The following TUSC3 variants were observed in gnomAD, a reference collection of about 807,000 sequenced individuals.
TUSC3 encodes the protein dolichyl-diphosphooligosaccharide--protein glycosyltransferase subunit TUSC3.
In TUSC3, 45 loss-of-function variants were observed where a neutral mutation model predicts 44.8. The ratio of observed to expected loss-of-function variants is 1.00; its 90% confidence interval spans 0.79 to 1.29. TUSC3 has a LOEUF of 1.29. TUSC3 is among the 50% of genes most tolerant of loss of function. The pLI is 0.00. For missense variants in TUSC3, 519 were observed against 437.9 expected, an observed-to-expected ratio of 1.19 and a Z score of -1.65; for synonymous variants, 212 against 152.9, an observed-to-expected ratio of 1.39 and a Z score of -2.85.
chr8:15,828,958 T>C, the TUSC3 span, among the ~76,000 whole-genome samples: 37 of 152,310 alleles, frequency 2.4e-4, no homozygotes, highest in African/African-American at 8.4e-4. Context: ...CACTTTCCTC[T>C]GTTGACAAAA....
downstream of TUSC3, among the ~76,000 whole-genome samples, chr8:15,770,511 C>T (rs879727521): frequency 9.9e-5 from 15 of 152,162 alleles, no homozygotes; most frequent in Non-Finnish European, 1.9e-4. Context: ...ACCTCTGTAA[C>T]CTGCATGTTT....
chr8:15,737,815 G>A (rs2129211526), intron 7 of TUSC3, among the ~76,000 whole-genome samples: 1 of 152,168 alleles, frequency 6.6e-6, no homozygotes, highest in East Asian at 1.9e-4. Flanking sequence ...GAAATGCCAC[G>A]TAAGAACAGT....
chr8:15,805,121 G>C, the TUSC3 span, among the ~76,000 whole-genome samples: 3 of 152,030 alleles, frequency 2.0e-5, no homozygotes, highest in African/African-American at 7.2e-5. Flanking sequence ...TTCCTGATTT[G>C]GTTCTGGGCT....
At chr8:15,447,885 G>T (rs1800127558) in intron 1 of TUSC3, among the ~76,000 whole-genome samples, 1 of 151,128 alleles carries the variant, frequency 6.6e-6, no homozygotes, top group South Asian at 2.1e-4. Context: ...ACAACGTATT[G>T]TCAAAAAAAT....
At chr8:15,563,423 A>C (rs1802549405) in intron 1 of TUSC3, among the ~76,000 whole-genome samples, 1 of 152,036 alleles carries the variant, frequency 6.6e-6, no homozygotes, top group African/African-American at 2.4e-5. Context: ...AGATTCAAGA[A>C]CAAGCTGGAA....
the TUSC3 span, among the ~76,000 whole-genome samples, chr8:15,787,743 T>G: frequency 5.9e-5 from 9 of 152,202 alleles, no homozygotes; most frequent in Non-Finnish European, 1.0e-4. Context: ...TATTCCTCTT[T>G]ATTCTAGATT....
intron 6 of TUSC3, among the ~76,000 whole-genome samples, chr8:15,690,209 A>G (rs1808838090): frequency 6.6e-6 from 1 of 151,950 alleles, no homozygotes; most frequent in Admixed American, 6.6e-5. Flanking sequence ...AGGCATTCTG[A>G]TTGGTGTGAG....
intron 1 of TUSC3, among the ~76,000 whole-genome samples, chr8:15,558,902 T>C (rs1802360733): frequency 6.6e-6 from 1 of 151,532 alleles, no homozygotes; most frequent in East Asian, 2.0e-4. Flanking sequence ...TCTTTTTCTT[T>C]ATTAGTCTTG....
the TUSC3 span, among the ~76,000 whole-genome samples, chr8:15,782,563 C>T: frequency 1.3e-4 from 20 of 152,234 alleles, no homozygotes; most frequent in South Asian, 2.3e-3. Context: ...TTCTGGGATG[C>T]AATGATGGCT....
chr8:15,845,716 A>C, the TUSC3 span, among the ~76,000 whole-genome samples: 4 of 152,128 alleles, frequency 2.6e-5, no homozygotes, highest in South Asian at 4.1e-4. Context: ...GGTTTGGAAA[A>C]GTGAACACAA....
chr8:15,565,783 C>T (rs991541899), intron 1 of TUSC3, among the ~76,000 whole-genome samples: 1 of 151,988 alleles, frequency 6.6e-6, no homozygotes, highest in African/African-American at 2.4e-5. Context: ...AAAGAGGGAC[C>T]TGGAAAGCCA....
At chr8:15,686,083 A>G (rs560615454) in intron 6 of TUSC3, among the ~76,000 whole-genome samples, 3 of 152,270 alleles carry the variant, frequency 2.0e-5, no homozygotes, top group Admixed American at 6.5e-5. Context: ...TTAAGATACT[A>G]TGTAATGGCA....
At chr8:15,554,930 C>CT (rs1222558933) in intron 1 of TUSC3, among the ~76,000 whole-genome samples, 1 of 151,192 alleles carries the variant, frequency 6.6e-6, no homozygotes, top group Non-Finnish European at 1.5e-5. Flanking sequence ...TTTTAAATAG[C>CT]TACTGTGGAA....
At chr8:15,431,028 C>T (rs1799866784) in intron 1 of TUSC3, among the ~76,000 whole-genome samples, 1 of 151,592 alleles carries the variant, frequency 6.6e-6, no homozygotes, top group African/African-American at 2.4e-5. Flanking sequence ...CTTTATTTTA[C>T]TCCACTGGTA....
At chr8:15,755,578 TA>T (rs1369838893) in intron 9 of TUSC3, among the ~76,000 whole-genome samples, 1 of 152,042 alleles carries the variant, frequency 6.6e-6, no homozygotes, top group East Asian at 1.9e-4. Context: ...GAATTTGATC[TA>T]ATTACCATCT....
chr8:15,793,601 C>T, the TUSC3 span, among the ~76,000 whole-genome samples: 1 of 152,112 alleles, frequency 6.6e-6, no homozygotes, highest in African/African-American at 2.4e-5. Flanking sequence ...ACAGCATTTG[C>T]CATTATTTGA....
intron 9 of TUSC3, 102 bp downstream of exon 9, chr8:15,748,567 GTT>G: frequency 8.5e-7 from 1 of 1,170,636 alleles, no homozygotes; most frequent in Non-Finnish European, 1.3e-6. Flanking sequence ...TTGCTGTGTG[GTT>G]TTTTTAAATT....
chr8:15,504,796 G>C (rs1235752722), intron 2 of TUSC3, among the ~76,000 whole-genome samples: 1 of 150,232 alleles, frequency 6.7e-6, no homozygotes, highest in Non-Finnish European at 1.5e-5. Flanking sequence ...GGAACTACAG[G>C]TGCCTGCCAC....
intron 2 of TUSC3, among the ~76,000 whole-genome samples, chr8:15,628,647 GC>G (rs1805624226): frequency 6.6e-6 from 1 of 152,124 alleles, no homozygotes; most frequent in South Asian, 2.1e-4. Context: ...ATGACTTGTA[GC>G]TTTTGTATTT....
Sources: gnomAD v4.1 joint callset for allele counts (sites outside exome capture counted in the v4.1 genomes callset) on GRCh38, gnomAD v4.1.1 for gene constraint, MANE v1.5 for transcripts, NCBI Gene and HGNC (gene_info 2026-07-23, HGNC 2026-07-21) for gene names.